Variants in ADAMTS3 observed in about 807,000 individuals in gnomAD.
The protein encoded by ADAMTS3 is ADAM metallopeptidase with thrombospondin type 1 motif 3, also known as A disintegrin and metalloproteinase with thrombospondin motifs 3.
In ADAMTS3, 73 loss-of-function variants were observed where a neutral mutation model predicts 129.0. The ratio of observed to expected loss-of-function variants is 0.57; its 90% CI spans 0.47 to 0.69. ADAMTS3 has a LOEUF of 0.69. Among genes scored for constraint, ADAMTS3 ranks in the 30% least tolerant of loss-of-function variants. The pLI is 0.00. For synonymous variants in ADAMTS3, 477 were observed against 510.8 expected, an observed-to-expected ratio of 0.93 and a Z score of 0.89; for missense variants, 1,457 against 1,514.5, an observed-to-expected ratio of 0.96 and a Z score of 0.63.
intron 3 of ADAMTS3, among the ~76,000 whole-genome samples, chr4:72,446,180 G>C (rs1560518238): frequency 6.6e-6 from 1 of 151,624 alleles, no homozygotes; most frequent in African/African-American, 2.4e-5. Context: ...AACTGTAGCA[G>C]TTCTATAGGT....
At chr4:72,521,656 A>G (rs1231330141) in intron 3 of ADAMTS3, among the ~76,000 whole-genome samples, 1 of 152,140 alleles carries the variant, frequency 6.6e-6, no homozygotes, top group Non-Finnish European at 1.5e-5. Context: ...ACTATTTATT[A>G]TATTATACAT....
chr4:72,312,688 A>G (rs1045172448), intron 12 of ADAMTS3, among the ~76,000 whole-genome samples: 1 of 152,170 alleles, frequency 6.6e-6, no homozygotes, highest in East Asian at 1.9e-4. Context: ...TCAGCTTTTC[A>G]AATCATATAT....
chr4:72,528,722 A>G (rs1162019599), intron 3 of ADAMTS3, among the ~76,000 whole-genome samples: 3 of 152,096 alleles, frequency 2.0e-5, no homozygotes, highest in Non-Finnish European at 4.4e-5. Context: ...ATTTTATGAA[A>G]GTTACACAAA....
At chr4:72,438,601 T>C (rs984704405) in intron 3 of ADAMTS3, among the ~76,000 whole-genome samples, 1 of 151,788 alleles carries the variant, frequency 6.6e-6, no homozygotes, top group African/African-American at 2.4e-5. Flanking sequence ...TATATTATCA[T>C]ACCTCTCATA....
At chr4:72,330,358 C>T (rs889886860) in intron 5 of ADAMTS3, 2 of 152,176 alleles carry the variant, frequency 1.3e-5, no homozygotes, top group Non-Finnish European at 2.9e-5. Context: ...ATTCATCTCT[C>T]TCATGTGTGA....
chr4:72,397,999 T>C (rs1721769790), intron 4 of ADAMTS3, among the ~76,000 whole-genome samples: 1 of 151,902 alleles, frequency 6.6e-6, no homozygotes, highest in Non-Finnish European at 1.5e-5. Flanking sequence ...TGATCAAAGA[T>C]AGTAAGGGAT....
At chr4:72,401,974 C>A (rs1435299305) in intron 4 of ADAMTS3, among the ~76,000 whole-genome samples, 1 of 152,148 alleles carries the variant, frequency 6.6e-6, no homozygotes, top group Non-Finnish European at 1.5e-5. Flanking sequence ...ACAATAATAT[C>A]TAAGACACTG....
At chr4:72,288,705 G>T (rs1718575237) in intron 21 of ADAMTS3, 46 bp downstream of exon 21, 2 of 1,234,166 alleles carry the variant, frequency 1.6e-6, no homozygotes, top group Non-Finnish European at 2.4e-6. Flanking sequence ...TGCTTTTTGA[G>T]GTTTAAAAAC....
intron 3 of ADAMTS3, among the ~76,000 whole-genome samples, chr4:72,418,406 G>C (rs578244124): frequency 6.6e-6 from 1 of 152,244 alleles, no homozygotes; most frequent in East Asian, 1.9e-4. Flanking sequence ...CAAAACATCA[G>C]GTGCTTCTTT....
chr4:72,290,902 T>G lies in ADAMTS3; in HGVS notation c.2884A>C (p.Asn962His). ...GDRPESRRPC[N>H]RVPCPAQWKT... ...CACTGTGCAGGGCAGGGCACTCTGTTACAGGGCCGGCGGCTCTCGGGACGG... is the reference window on the plus strand; with the variant it reads ...CACTGTGCAGGGCAGGGCACTCTGTGACAGGGCCGGCGGCTCTCGGGACGG... The change falls in exon 20 of 22, where the codon AAC (asparagine) becomes CAC (histidine). Residue 962 changes from asparagine to histidine, a missense_variant. Physicochemically the swap from Asn to His is moderately conservative, Grantham distance 68. Transcript: ENST00000286657. 6.2e-7 allele frequency: 1 copy of G among 1,614,020 alleles called. No homozygotes were observed. Among genetic ancestry groups the G allele is most frequent in the Non-Finnish European group, 8.5e-7 (1 of 1,179,952 alleles).
At chr4:72,547,186 CAAT>C (rs1721489605) in intron 3 of ADAMTS3, among the ~76,000 whole-genome samples, 1 of 152,102 alleles carries the variant, frequency 6.6e-6, no homozygotes, top group African/African-American at 2.4e-5. Context: ...TTGAATATCT[CAAT>C]AATTCTTACC....
chr4:72,397,589 AC>A (rs1413162279), intron 4 of ADAMTS3, among the ~76,000 whole-genome samples: 1 of 151,816 alleles, frequency 6.6e-6, no homozygotes, highest in Non-Finnish European at 1.5e-5. Context: ...ACACACACAC[AC>A]AAAGAAAGAA....
At chr4:72,391,556 A>T (rs1015583103) in intron 4 of ADAMTS3, among the ~76,000 whole-genome samples, 1 of 152,176 alleles carries the variant, frequency 6.6e-6, no homozygotes, top group African/African-American at 2.4e-5. Context: ...GAGGCCAATG[A>T]AACATTTTAA....
chr4:72,517,980 A>G lies in ADAMTS3; in HGVS notation c.504+30498T>C, dbSNP rs550114618. Among the ~76,000 whole-genome samples, 3 of 151,716 alleles carry G rather than the reference A, an allele frequency of 2.0e-5. No homozygotes were observed. The South Asian group carries it at 6.3e-4, about 32-fold the overall frequency. Reference sequence around the variant, plus strand: ...CTTTCTCTTGTGGGCATTTAGTGCTATAAATTTCCCTCTACACACTGCTTT... The same window carrying G: ...CTTTCTCTTGTGGGCATTTAGTGCTGTAAATTTCCCTCTACACACTGCTTT... On this transcript the variant is annotated intron_variant, in intron 3 of 21. Coordinates refer to ENST00000286657, the MANE Select transcript of ADAMTS3 (RefSeq NM_014243.3).
At chr4:72,409,563 GA>G (rs35191364) in intron 4 of ADAMTS3, among the ~76,000 whole-genome samples, 38,535 of 150,632 alleles carry the variant, frequency 0.26, 5,340 homozygotes, top group Middle Eastern at 0.31. Context: ...TTCTTTATTG[GA>G]AAAAAAAATA....
chr4:72,330,491 AG>A (rs1719816982), intron 5 of ADAMTS3: 1 of 152,228 alleles, frequency 6.6e-6, no homozygotes, highest in Non-Finnish European at 1.5e-5. Context: ...TCCCAGTTAC[AG>A]ACTAAATCAT....
chr4:72,419,729 T>C lies in ADAMTS3; in HGVS notation c.505-4758A>G, dbSNP rs181823814. ...AAAGCTAAAATACTGGACACCCCTGTAAGTACAAAAACTCCTGGCACACAT... is the reference window on the plus strand; with the variant it reads ...AAAGCTAAAATACTGGACACCCCTGCAAGTACAAAAACTCCTGGCACACAT... On this transcript the variant is annotated intron_variant, in intron 3 of 21. Transcript: ENST00000286657. 4.3e-4 allele frequency among the ~76,000 whole-genome samples: 65 copies of C among 152,244 alleles called. No homozygotes were observed. In the Middle Eastern group the frequency reaches 0.01, roughly 24 times the overall value.
intron 3 of ADAMTS3, among the ~76,000 whole-genome samples, chr4:72,464,271 T>A (rs1718860138): frequency 6.6e-6 from 1 of 152,018 alleles, no homozygotes; most frequent in African/African-American, 2.4e-5. Context: ...CAGAATCTTT[T>A]CCTGCCTCCA....
intron 3 of ADAMTS3, among the ~76,000 whole-genome samples, chr4:72,451,010 A>AGAAGAGAAGAGAAGG (rs1718389825): frequency 6.7e-6 from 1 of 150,250 alleles, no homozygotes; most frequent in African/African-American, 2.5e-5. Context: ...AGAAGAGAAG[A>AGAAGAGAAGAGAAGG]GAAGAGAAAT....
Sources: allele counts gnomAD v4.1 joint callset (sites outside exome capture counted in the v4.1 genomes callset), GRCh38; gene constraint gnomAD v4.1.1; transcripts MANE v1.5; gene names NCBI Gene and HGNC (gene_info 2026-07-23, HGNC 2026-07-21).